Variants in GLIS1 observed in about 807,000 individuals in gnomAD.
GLIS1 encodes the protein GLIS family zinc finger 1.
GLIS1 carries 24 observed loss-of-function variants against 63.8 expected under a neutral mutation model. The ratio of observed to expected loss-of-function variants is 0.38; its 90% CI spans 0.27 to 0.53. The LOEUF is 0.53. Among genes scored for constraint, GLIS1 ranks in the 20% least tolerant of loss-of-function variants. The probability of loss-of-function intolerance (pLI) is 0.85; values close to 1 mark genes in which losing one functional copy is unlikely to be tolerated. For synonymous variants in GLIS1, 450 were observed against 482.5 expected, an observed-to-expected ratio of 0.93 and a Z score of 0.88; for missense variants, 1,036 against 1,074.1, an observed-to-expected ratio of 0.96 and a Z score of 0.50.
At chr1:53,688,382 C>T (rs1646364775) in intron 2 of GLIS1, among the ~76,000 whole-genome samples, 2 of 152,248 alleles carry the variant, frequency 1.3e-5, no homozygotes, top group South Asian at 2.1e-4. Flanking sequence ...GGGGCTCTCC[C>T]CTCGTGCAGC....
At chr1:53,629,792 G>T (rs1318947422) in intron 2 of GLIS1, among the ~76,000 whole-genome samples, 1 of 152,142 alleles carries the variant, frequency 6.6e-6, no homozygotes, top group African/African-American at 2.4e-5. Context: ...TTATCTGTCT[G>T]TCCCACTTGA....
chr1:53,698,724 A>G (rs1243648156), intron 2 of GLIS1, among the ~76,000 whole-genome samples: 1 of 152,220 alleles, frequency 6.6e-6, no homozygotes, highest in East Asian at 1.9e-4. Context: ...GATGCCCTCC[A>G]GACCTGCAGC....
At chr1:53,512,633 C>T (rs1036516169) in intron 8 of GLIS1, among the ~76,000 whole-genome samples, 2 of 152,150 alleles carry the variant, frequency 1.3e-5, no homozygotes, top group African/African-American at 4.8e-5. Context: ...GTGTCAGGCA[C>T]GAGGACGCTT....
intron 2 of GLIS1, among the ~76,000 whole-genome samples, chr1:53,674,103 C>T (rs1429370783): frequency 2.1e-5 from 3 of 145,272 alleles, no homozygotes; most frequent in African/African-American, 5.1e-5. Flanking sequence ...ACCTGGGAGG[C>T]AGAGGTTGCA....
At chr1:53,624,098 G>A (rs1253244990) in intron 2 of GLIS1, among the ~76,000 whole-genome samples, 1 of 152,134 alleles carries the variant, frequency 6.6e-6, no homozygotes, top group Non-Finnish European at 1.5e-5. Context: ...AAACAATATT[G>A]AAAATTAAGA....
intron 4 of GLIS1, among the ~76,000 whole-genome samples, chr1:53,582,612 T>C (rs1010104242): frequency 6.6e-6 from 1 of 152,184 alleles, no homozygotes; most frequent in Non-Finnish European, 1.5e-5. Context: ...CAAGAGCCAG[T>C]GTTCTTCAGA....
At chr1:53,577,221 CT>C (rs1201596230) in intron 4 of GLIS1, among the ~76,000 whole-genome samples, 1 of 152,032 alleles carries the variant, frequency 6.6e-6, no homozygotes, top group Non-Finnish European at 1.5e-5. Context: ...CCCTACCCCC[CT>C]GGGGCCCTCT....
intron 3 of GLIS1, among the ~76,000 whole-genome samples, chr1:53,597,725 T>G (rs937228247): frequency 2.6e-5 from 4 of 152,054 alleles, no homozygotes; most frequent in African/African-American, 9.7e-5. Context: ...TCTGTTTTTC[T>G]TTAGGAAAAT....
At chr1:53,606,200 C>T (rs935718196) in intron 2 of GLIS1, among the ~76,000 whole-genome samples, 3 of 152,208 alleles carry the variant, frequency 2.0e-5, no homozygotes, top group African/African-American at 7.2e-5. Context: ...CTGCTGCTGT[C>T]TGGACAGGCA....
rs769869066 is a variant in GLIS1 at position 53,594,503 on chromosome 1, A to G, written c.925T>C (p.Leu309=). 1.9e-6 allele frequency: 3 copies of G among 1,612,950 alleles called. No homozygotes were observed. The highest frequency in any genetic ancestry group is 1.7e-4 in the Middle Eastern group (1 of 6,048). The part of the protein sequence containing the change: ...PASTDSHEGS[L]QLEACRKASF... The stretch of plus-strand genomic sequence containing the variant: ...GCCTTCCGGCAGGCTTCAAGTTGCA[A>G]GCTGCCCTCATGGCTGTCCGTCGAT... Residue 309 remains leucine, a synonymous_variant, in exon 4 of 11, where the codon TTG becomes CTG. Transcript: ENST00000628545.
chr1:53,595,093 G>A (rs1645241737), intron 3 of GLIS1, 103 bp from the exon 4 acceptor site: 3 of 1,057,692 alleles, frequency 2.8e-6, no homozygotes, highest in Non-Finnish European at 3.8e-6. Context: ...GGATGGACAA[G>A]CCCAGGGCAG....
At chr1:53,555,378 A>C (rs1328852138) in intron 4 of GLIS1, among the ~76,000 whole-genome samples, 5 of 152,064 alleles carry the variant, frequency 3.3e-5, no homozygotes, top group Non-Finnish European at 5.9e-5. Flanking sequence ...AAAATACAAA[A>C]AATTAGCTGG....
chr1:53,731,958 C>T (rs567782024), intron 2 of GLIS1, among the ~76,000 whole-genome samples: 1 of 152,338 alleles, frequency 6.6e-6, no homozygotes, highest in African/African-American at 2.4e-5. Flanking sequence ...CTCCATTTTA[C>T]AGATGGGAAA....
chr1:53,508,529 G>A (rs1180433859), intron 10 of GLIS1, among the ~76,000 whole-genome samples: 2 of 152,130 alleles, frequency 1.3e-5, no homozygotes, highest in Non-Finnish European at 2.9e-5. Context: ...CCCTTCTGAT[G>A]CCCCTGCTCT....
chr1:53,581,386 T>C (rs904525953), intron 4 of GLIS1, among the ~76,000 whole-genome samples: 11 of 152,200 alleles, frequency 7.2e-5, no homozygotes, highest in African/African-American at 2.2e-4. Flanking sequence ...CTGAGTCCTT[T>C]CTAGCATGTT....
rs143602138 is a variant in GLIS1, at chr1:53,732,230, G to C, written c.259+5576C>G. Among the ~76,000 whole-genome samples, 14 of 152,322 alleles carry C rather than the reference G, an allele frequency of 9.2e-5. 1 individual carries two copies. In the South Asian group the frequency reaches 1.7e-3, roughly 18 times the overall value. ...AAGGAATAATCCTTTGGAGTTTAAG[G>C]GGGAAAAAGGGCAAAAGAAGAAAAC... On this transcript the variant is annotated intron_variant, in intron 2 of 10. Transcript: ENST00000628545.
rs745412773 is a variant in GLIS1, at chr1:53,594,263, G to A, written c.1165C>T (p.Arg389Trp). 3.3e-5 allele frequency: 54 copies of A among 1,613,272 alleles called. No homozygotes were observed. Among genetic ancestry groups the A allele is most frequent in the Non-Finnish European group, 4.3e-5 (51 of 1,179,966 alleles). ...AAYEQQEELV[R>W]HIEKSHIDQR... ...TCGATGTGGCTCTTCTCGATGTGCC[G>A]CACCAGCTCCTCCTGCTGCTCATAG... Residue 389 changes from arginine to tryptophan, a missense_variant, in exon 4 of 11, where the codon CGG becomes TGG. Physicochemically the swap from Arg to Trp is moderately radical, Grantham distance 101. Transcript: ENST00000628545.
At chr1:53,657,145 G>C (rs1485732025) in intron 2 of GLIS1, among the ~76,000 whole-genome samples, 1 of 152,182 alleles carries the variant, frequency 6.6e-6, no homozygotes, top group African/African-American at 2.4e-5. Context: ...TGGTGGCTGG[G>C]CACAGCCATT....
intron 4 of GLIS1, among the ~76,000 whole-genome samples, chr1:53,546,691 G>A (rs1267610164): frequency 6.6e-6 from 1 of 152,220 alleles, no homozygotes; most frequent in African/African-American, 2.4e-5. Flanking sequence ...ACACCAAGGT[G>A]CCTCTGCTGC....
Sources: allele counts gnomAD v4.1 joint callset (sites outside exome capture counted in the v4.1 genomes callset), GRCh38; gene constraint gnomAD v4.1.1; transcripts MANE v1.5; gene names NCBI Gene and HGNC (gene_info 2026-07-23, HGNC 2026-07-21).